The following NOX4 variants were observed in gnomAD, a reference collection of about 807,000 sequenced individuals.
The protein encoded by NOX4 is NADPH oxidase 4.
A neutral mutation model predicts 87.6 loss-of-function variants in NOX4; 69 were observed. That is an observed-to-expected ratio of 0.79 (90% CI 0.65 to 0.96). The LOEUF (loss-of-function observed/expected upper bound fraction) is 0.96, where lower values mean the gene tolerates loss of function less well. Ranked by LOEUF, NOX4 falls within the 40% of genes least tolerant of loss-of-function variation. NOX4 has a pLI of 0.00. For synonymous variants in NOX4, 275 were observed against 238.2 expected (o/e 1.15, Z -1.42); for missense variants, 680 against 681.5 (o/e 1.00, Z 0.02).
the NOX4 span, among the ~76,000 whole-genome samples, chr11:89,578,371 A>G: frequency 6.6e-6 from 1 of 152,120 alleles, no homozygotes; most frequent in Non-Finnish European, 1.5e-5. Flanking sequence ...CATGTTGGCC[A>G]GGATGGTCCC....
At chr11:89,542,638 G>A in the NOX4 span, among the ~76,000 whole-genome samples, 3 of 152,146 alleles carry the variant, frequency 2.0e-5, no homozygotes. Context: ...TCATAGGGCA[G>A]CTTTTAGTGG....
At chr11:89,440,602 G>A (rs1944413097) in intron 6 of NOX4, 86 bp downstream of exon 6, 2 of 858,256 alleles carry the variant, frequency 2.3e-6, no homozygotes, top group South Asian at 3.9e-5. Context: ...TGGGAATACA[G>A]GCATGAGCCA....
At chr11:89,467,705 C>T (rs564699) in intron 2 of NOX4, among the ~76,000 whole-genome samples, 99,225 of 152,032 alleles carry the variant, frequency 0.65, 34,163 homozygotes, top group African/African-American at 0.88. Context: ...CACTTCCCAA[C>T]ACTATTGCCT....
chr11:89,490,812 C>A lies in NOX4; in HGVS notation c.58-259G>T, dbSNP rs1019101446. 89 of 698,286 alleles carry A rather than the reference C, an allele frequency of 1.3e-4. 1 individual carries two copies. Among genetic ancestry groups the A allele is most frequent in the Non-Finnish European group, 2.1e-4 (82 of 383,754 alleles). 43.3% of individuals were successfully genotyped at this position (698,286 alleles called of 1,614,324 possible). ...CTAAATGATTTACAGCTATCCCCTGCCGTACAAAATGAGATTAAGAAATTA... is the reference window on the plus strand; with the variant it reads ...CTAAATGATTTACAGCTATCCCCTGACGTACAAAATGAGATTAAGAAATTA... On this transcript the variant is annotated intron_variant, in intron 1 of 17. Transcript: ENST00000263317.
At chr11:89,527,775 A>G in the NOX4 span, among the ~76,000 whole-genome samples, 4 of 152,126 alleles carry the variant, frequency 2.6e-5, no homozygotes, top group African/African-American at 9.7e-5. Flanking sequence ...TGCTGCAGGG[A>G]TGGAGCCCTC....
the NOX4 span, among the ~76,000 whole-genome samples, chr11:89,575,154 G>A: frequency 1.3e-5 from 2 of 151,452 alleles, no homozygotes; most frequent in Admixed American, 6.6e-5. Context: ...TTGCACTCCC[G>A]ACTGAGCAGC....
Position 89,325,607 on chromosome 11 carries a change from A to T in NOX4, c.*1149T>A, listed in dbSNP as rs900680866. On this transcript the variant is annotated 3_prime_UTR_variant, in exon 18 of 18. Coordinates refer to ENST00000263317, the MANE Select transcript of NOX4 (RefSeq NM_016931.5). Reference sequence around the variant, plus strand: ...ATTCTAAACTTAAGTTTGAATAAGAATATCATATTTCCTCTTACTTAAAAG... The same window carrying T: ...ATTCTAAACTTAAGTTTGAATAAGATTATCATATTTCCTCTTACTTAAAAG... 1 of 152,148 alleles carries T rather than the reference A, an allele frequency of 6.6e-6. No homozygotes were observed. The highest frequency in any genetic ancestry group is 1.5e-5 in the Non-Finnish European group (1 of 68,028). 9.4% of individuals were successfully genotyped at this position (152,148 alleles called of 1,614,324 possible). A position where few individuals can be genotyped will look rare whatever the true frequency, so the allele number is the denominator to read the frequency against.
chr11:89,424,146 T>C (rs184811539), intron 7 of NOX4, among the ~76,000 whole-genome samples: 276 of 152,014 alleles, frequency 1.8e-3, no homozygotes, highest in Non-Finnish European at 3.1e-3. Flanking sequence ...AATCTCTACA[T>C]ATTTCTCTTA....
At chr11:89,383,213 G>A (rs1360125126) in intron 11 of NOX4, among the ~76,000 whole-genome samples, 7 of 152,286 alleles carry the variant, frequency 4.6e-5, no homozygotes, top group South Asian at 4.1e-4. Flanking sequence ...AAGCCACAGC[G>A]GTCTGGGATT....
intron 2 of NOX4, among the ~76,000 whole-genome samples, chr11:89,489,874 A>G (rs1946783748): frequency 6.6e-6 from 1 of 152,206 alleles, no homozygotes; most frequent in South Asian, 2.1e-4. Context: ...AACATCATAG[A>G]AAAGAAAGAA....
chr11:89,506,134 TG>T, the NOX4 span, among the ~76,000 whole-genome samples: 1 of 151,710 alleles, frequency 6.6e-6, no homozygotes, highest in African/African-American at 2.4e-5. Context: ...TTTGTGACAA[TG>T]TTTAATGTCA....
the NOX4 span, among the ~76,000 whole-genome samples, chr11:89,582,660 C>G: frequency 6.6e-6 from 1 of 152,194 alleles, no homozygotes; most frequent in Non-Finnish European, 1.5e-5. Context: ...CCCAGCTTCT[C>G]TAAGACTGTG....
At chr11:89,368,621 G>A (rs966468730) in intron 12 of NOX4, among the ~76,000 whole-genome samples, 12 of 151,968 alleles carry the variant, frequency 7.9e-5, no homozygotes, top group African/African-American at 2.7e-4. Flanking sequence ...AATCCATGAG[G>A]GCTTTATTCT....
chr11:89,501,200 A>G (rs1339143075), upstream of NOX4, among the ~76,000 whole-genome samples: 1 of 152,098 alleles, frequency 6.6e-6, no homozygotes, highest in Non-Finnish European at 1.5e-5. Context: ...CAAATGGAAA[A>G]GAAAAGAAAG....
the NOX4 span, among the ~76,000 whole-genome samples, chr11:89,583,696 C>T: frequency 0.021 from 3,205 of 152,174 alleles, 92 homozygotes; most frequent in African/African-American, 0.066. Flanking sequence ...TCTGTCATTA[C>T]TATCCCTGTG....
At chr11:89,501,198 A>G (rs192764795), upstream of NOX4, among the ~76,000 whole-genome samples, 15 of 152,200 alleles carry the variant, frequency 9.9e-5, no homozygotes, top group Admixed American at 6.6e-4. Context: ...TGCAAATGGA[A>G]AAGAAAAGAA....
intron 13 of NOX4, among the ~76,000 whole-genome samples, chr11:89,354,049 A>C (rs1937787493): frequency 6.6e-6 from 1 of 152,332 alleles, no homozygotes; most frequent in African/African-American, 2.4e-5. Flanking sequence ...ATCAAAGCTA[A>C]GTATTAGAGG....
chr11:89,486,231 G>A (rs1311978595), intron 2 of NOX4, among the ~76,000 whole-genome samples: 1 of 131,570 alleles, frequency 7.6e-6, no homozygotes, highest in Non-Finnish European at 1.8e-5. Context: ...ACAGAAGTCA[G>A]GGAGATTTTT....
upstream of NOX4, chr11:89,499,272 G>C (rs910309622): frequency 4.6e-5 from 7 of 152,144 alleles, no homozygotes; most frequent in African/African-American, 1.7e-4. Flanking sequence ...ACTGGTGTTA[G>C]AGCAAGAAAT....
Sources: gnomAD v4.1 joint callset for allele counts (sites outside exome capture counted in the v4.1 genomes callset) on GRCh38, gnomAD v4.1.1 for gene constraint, MANE v1.5 for transcripts, NCBI Gene and HGNC (gene_info 2026-07-23, HGNC 2026-07-21) for gene names.